The following IQSEC1 variants were observed in gnomAD, a reference collection of about 807,000 sequenced individuals.
IQSEC1 encodes the protein IQ motif and SEC7 domain-containing protein 1.
Under a neutral mutation model 91.0 loss-of-function variants are expected in IQSEC1, and 31 were observed. That is an observed-to-expected ratio of 0.34 (90% CI 0.26 to 0.46). The LOEUF (loss-of-function observed/expected upper bound fraction) is 0.46. IQSEC1 is among the 20% of genes least tolerant of loss of function. The pLI, the probability that IQSEC1 is intolerant of heterozygous loss-of-function variation, is 1.00. For missense variants in IQSEC1, 1,388 were observed against 1,575.6 expected (o/e 0.88, Z 2.02); for synonymous variants, 699 against 662.6 (o/e 1.05, Z -0.84).
intron 2 of IQSEC1, among the ~76,000 whole-genome samples, chr3:13,154,438 C>CATACATATATAT (rs1707049640): frequency 2.9e-4 from 6 of 20,756 alleles, no homozygotes; most frequent in African/African-American, 1.1e-3. Context: ...AACTTACATG[C>CATACATATATAT]ATATATATAT....
At position 13,072,853 on chromosome 3, in the gene IQSEC1, G is replaced by A. The variant is rs1248854315; in HGVS notation, c.23+139C>T. 1.1e-5 allele frequency: 8 copies of A among 730,572 alleles called. No homozygotes were observed. The Admixed American group carries it at 1.1e-4, about 10-fold the overall frequency. The allele number at this position is 730,572 out of a possible 1,614,324, so 45.3% of individuals were successfully genotyped here. A position where few individuals can be genotyped will look rare whatever the true frequency, so the allele number is the denominator to read the frequency against. ...GCAGGGGCCGAGCGCCGGCATCCCT[G>A]CTGGGTGGCCAGCTCCCTCTGCAAG... On this transcript the variant is annotated intron_variant, in intron 1 of 13. Transcript: ENST00000613206.
In IQSEC1 at chr3:13,219,851, G is replaced by A. The variant is rs79616088; in HGVS notation, c.273-55718C>T. 1.2e-3 allele frequency among the ~76,000 whole-genome samples: 190 copies of A among 152,366 alleles called. 4 individuals are homozygous for A. The East Asian group carries it at 0.033, about 27-fold the overall frequency. The stretch of plus-strand genomic sequence containing the variant: ...CTTCCCAGCAAGGCCCTGAGAGGCT[G>A]GTGGCTTATTTCCTTAATGCCACTG... On this transcript the variant is annotated intron_variant, in intron 1 of 15. Transcript: ENST00000648114.
chr3:13,273,883 C>T (rs1264448480), intron 1 of IQSEC1, among the ~76,000 whole-genome samples: 1 of 152,206 alleles, frequency 6.6e-6, no homozygotes, highest in African/African-American at 2.4e-5. Flanking sequence ...ATGCCCTCCC[C>T]CTCACTCTGC....
intron 1 of IQSEC1, among the ~76,000 whole-genome samples, chr3:12,987,190 T>C (rs1469364997): frequency 6.6e-6 from 1 of 152,244 alleles, no homozygotes; most frequent in East Asian, 1.9e-4. Context: ...ACAGACCTGT[T>C]TGGCAGGAGC....
intron 1 of IQSEC1, among the ~76,000 whole-genome samples, chr3:13,033,837 C>T (rs1462555399): frequency 6.6e-6 from 1 of 152,174 alleles, no homozygotes; most frequent in Non-Finnish European, 1.5e-5. Context: ...CGGCTTCACT[C>T]AGCCCAGTGC....
Position 13,073,148 on chromosome 3 carries a change from CG to C in IQSEC1, c.-135del. The C allele has an allele frequency of 1.6e-5, 9 of 564,272 alleles. No individual in the cohort carries two copies. The highest frequency in any genetic ancestry group is 1.4e-4 in the South Asian group (8 of 56,582). 35.0% of individuals were successfully genotyped at this position (564,272 alleles called of 1,614,324 possible). On this transcript the variant is annotated 5_prime_UTR_variant, in exon 1 of 14. Coordinates refer to ENST00000613206, the MANE Select transcript of IQSEC1 (RefSeq NM_001134382.3). ...TAAATCGCGGGGCGAGTCACATTCCCGGGGGTGGCGGGCTCCTCCAGGGAGG... is the reference window on the plus strand; with the variant it reads ...TAAATCGCGGGGCGAGTCACATTCCCGGGGTGGCGGGCTCCTCCAGGGAGG...
At chr3:12,987,473 T>G (rs182785919) in intron 1 of IQSEC1, among the ~76,000 whole-genome samples, 1 of 152,286 alleles carries the variant, frequency 6.6e-6, no homozygotes, top group East Asian at 1.9e-4. Flanking sequence ...TAGATGAAAA[T>G]CTATTCCAGG....
At chr3:12,942,865 C>A (rs117346782) in intron 1 of IQSEC1, among the ~76,000 whole-genome samples, 3 of 152,152 alleles carry the variant, frequency 2.0e-5, no homozygotes, top group Admixed American at 1.3e-4. Context: ...GAGCAGCATG[C>A]GAGGACCCGA....
rs1695351602 is a variant in IQSEC1 at position 13,259,842 on chromosome 3, G to T, written c.272+22869C>A. 6.6e-6 allele frequency among the ~76,000 whole-genome samples: 1 copy of T among 152,258 alleles called. No individual in the cohort carries two copies. Among genetic ancestry groups the T allele is most frequent in the Non-Finnish European group, 1.5e-5 (1 of 68,052 alleles). On this transcript the variant is annotated intron_variant, in intron 1 of 15. Coordinates refer to the IQSEC1 transcript ENST00000648114. The surrounding 1 kb of genome is among the most constrained non-coding windows in gnomAD (Gnocchi z 4.6). ...AAAAGGTCAACGGGGCTTGCTTGTT[G>T]TGGCGCTCAGCGGGAGAAGTTTCTA...
intron 1 of IQSEC1, among the ~76,000 whole-genome samples, chr3:13,187,656 A>G (rs1693957535): frequency 6.6e-6 from 1 of 152,216 alleles, no homozygotes; most frequent in Non-Finnish European, 1.5e-5. Flanking sequence ...TACACTAAAT[A>G]ATAAACTTCT....
intron 1 of IQSEC1, among the ~76,000 whole-genome samples, chr3:13,016,888 C>T (rs993924276): frequency 1.3e-5 from 2 of 152,158 alleles, no homozygotes; most frequent in Non-Finnish European, 2.9e-5. Flanking sequence ...TCAAAAAGAA[C>T]CCCTCCCCAG....
At chr3:13,037,947 C>T (rs61286736) in intron 1 of IQSEC1, among the ~76,000 whole-genome samples, 7 of 151,594 alleles carry the variant, frequency 4.6e-5, no homozygotes, top group African/African-American at 1.2e-4. Context: ...TGCACAATAA[C>T]GTGAATGTAC....
chr3:13,240,856 G>A (rs555020490), intron 1 of IQSEC1, among the ~76,000 whole-genome samples: 22 of 152,292 alleles, frequency 1.4e-4, no homozygotes, highest in Admixed American at 4.6e-4. Flanking sequence ...TGGACTTCAC[G>A]TTCATTGATT....
At chr3:13,058,388 G>A (rs951715837) in intron 1 of IQSEC1, among the ~76,000 whole-genome samples, 2 of 152,262 alleles carry the variant, frequency 1.3e-5, no homozygotes, top group Non-Finnish European at 2.9e-5. Flanking sequence ...ATAAAGGCTA[G>A]GGCCATGATG....
intron 1 of IQSEC1, among the ~76,000 whole-genome samples, chr3:13,269,852 A>G (rs1433006917): frequency 6.6e-6 from 1 of 152,256 alleles, no homozygotes; most frequent in Non-Finnish European, 1.5e-5. Flanking sequence ...GTGGAGGCCA[A>G]TTCCTCTGCC....
intron 1 of IQSEC1, among the ~76,000 whole-genome samples, chr3:12,991,975 T>C (rs114427644): frequency 1.3e-5 from 2 of 152,158 alleles, no homozygotes; most frequent in African/African-American, 4.8e-5. Context: ...ACTCCAGTCA[T>C]GAGACCCAAG....
intron 2 of IQSEC1, among the ~76,000 whole-genome samples, chr3:13,078,586 G>A (rs1031603691): frequency 6.6e-6 from 1 of 152,186 alleles, no homozygotes; most frequent in African/African-American, 2.4e-5. Context: ...TCTAGATGCC[G>A]GGATTAACAG....
chr3:12,998,162 C>G (rs907106799), intron 1 of IQSEC1, among the ~76,000 whole-genome samples: 1 of 152,110 alleles, frequency 6.6e-6, no homozygotes, highest in African/African-American at 2.4e-5. Context: ...TCAGCCTAGG[C>G]AACATGGCAA....
chr3:12,907,833 C>T (rs1695142576), intron 12 of IQSEC1, among the ~76,000 whole-genome samples: 1 of 152,252 alleles, frequency 6.6e-6, no homozygotes, highest in South Asian at 2.1e-4. Context: ...GGAGCCAGCC[C>T]TGGCTGCTGC....
Sources: allele counts gnomAD v4.1 joint callset (sites outside exome capture counted in the v4.1 genomes callset), GRCh38; gene constraint gnomAD v4.1.1; non-coding constraint Gnocchi (gnomAD v3.1); transcripts MANE v1.5; gene names NCBI Gene and HGNC (gene_info 2026-07-23, HGNC 2026-07-21).